Variants in CNTN5 observed in about 807,000 individuals in gnomAD.
The protein encoded by CNTN5 is contactin 5, also known as contactin-5.
In CNTN5, 77 loss-of-function variants were observed where a neutral mutation model predicts 129.1. That is an observed-to-expected ratio of 0.60 (90% CI 0.50 to 0.72). The LOEUF (loss-of-function observed/expected upper bound fraction) is 0.72, where lower values mean the gene tolerates loss of function less well. Among genes scored for constraint, CNTN5 ranks in the 30% least tolerant of loss-of-function variants. The pLI is 0.00. For synonymous variants in CNTN5, 509 were observed against 465.6 expected (o/e 1.09, Z -1.20); for missense variants, 1,478 against 1,328.8 (o/e 1.11, Z -1.75).
chr11:99,061,321 G>C (rs1180585156), intron 1 of CNTN5, among the ~76,000 whole-genome samples: 1 of 152,150 alleles, frequency 6.6e-6, no homozygotes, highest in African/African-American at 2.4e-5. Flanking sequence ...AAGACTGAGT[G>C]TGTGGGGAGA....
At chr11:99,525,099 T>A (rs1415269133) in intron 2 of CNTN5, among the ~76,000 whole-genome samples, 2 of 152,164 alleles carry the variant, frequency 1.3e-5, no homozygotes, top group African/African-American at 4.8e-5. Context: ...TGTCATATTT[T>A]CCTACATTAT....
intron 1 of CNTN5, among the ~76,000 whole-genome samples, chr11:99,117,629 A>C (rs1358322318): frequency 6.6e-6 from 1 of 152,172 alleles, no homozygotes; most frequent in African/African-American, 2.4e-5. Context: ...AGAAGCCCTA[A>C]CACCCAATGT....
intron 3 of CNTN5, among the ~76,000 whole-genome samples, chr11:99,695,909 G>T (rs1954249118): frequency 6.6e-6 from 1 of 152,032 alleles, no homozygotes; most frequent in African/African-American, 2.4e-5. Context: ...TTGTAGGGTT[G>T]TTAGGAGGAT....
chr11:99,255,866 T>G (rs529925638), intron 1 of CNTN5, among the ~76,000 whole-genome samples: 2 of 151,628 alleles, frequency 1.3e-5, no homozygotes, highest in South Asian at 4.1e-4. Flanking sequence ...TTGGGTGCTC[T>G]TTCGTTTCTC....
In CNTN5 at chr11:99,945,087, A is replaced by T. The variant is rs561739777; in HGVS notation, c.674-11719A>T. On this transcript the variant is annotated intron_variant, in intron 7 of 24. Coordinates refer to ENST00000524871, the MANE Select transcript of CNTN5 (RefSeq NM_014361.4). ...TGATAGTATCGGATGGTTAAGAAAG[A>T]GATGGGTACAGGTATGACAGCAAAC... Among the ~76,000 whole-genome samples the T allele has an allele frequency of 5.9e-5, 9 of 152,208 alleles. No individual in the cohort carries two copies. In the East Asian group the frequency reaches 9.7e-4, roughly 16 times the overall value.
intron 2 of CNTN5, among the ~76,000 whole-genome samples, chr11:99,433,371 ATGTGTGTGTGTGTGTGT>A (rs1287572814): frequency 6.4e-5 from 9 of 140,840 alleles, no homozygotes; most frequent in Non-Finnish European, 1.4e-4. Flanking sequence ...TAAAAAAAAA[ATGTGTGTGTGTGTGTGT>A]GTGTGTGTGT....
chr11:100,270,122 C>A (rs1950383168), intron 17 of CNTN5, among the ~76,000 whole-genome samples: 1 of 152,184 alleles, frequency 6.6e-6, no homozygotes, highest in Non-Finnish European at 1.5e-5. Flanking sequence ...ATCAGCCCTG[C>A]AGTGCTGTGA....
At position 99,594,778 on chromosome 11, in the gene CNTN5, A is replaced by T. The variant is rs183392543; in HGVS notation, c.55+38509A>T. 1.7e-3 allele frequency among the ~76,000 whole-genome samples: 258 copies of T among 152,352 alleles called. 2 individuals are homozygous for T. Among genetic ancestry groups the T allele is most frequent in the African/African-American group, 5.7e-3 (235 of 41,572 alleles). Reference sequence around the variant, plus strand: ...CAACCCTGTAAGTGGTAGCATTTAAATCCAGCACAACAATGTAAAAGGTGG... The same window carrying T: ...CAACCCTGTAAGTGGTAGCATTTAATTCCAGCACAACAATGTAAAAGGTGG... On this transcript the variant is annotated intron_variant, in intron 3 of 24. Coordinates refer to ENST00000524871, the MANE Select transcript of CNTN5 (RefSeq NM_014361.4).
chr11:99,740,701 T>C lies in CNTN5; in HGVS notation c.56-78843T>C, dbSNP rs565334123. ...AATTATCAACCTGCACCATCAGAGG[T>C]TGCAGCAACTCATTCAGTGATACAT... On this transcript the variant is annotated intron_variant, in intron 3 of 24. Coordinates refer to ENST00000524871, the MANE Select transcript of CNTN5 (RefSeq NM_014361.4). 3.0e-4 allele frequency among the ~76,000 whole-genome samples: 46 copies of C among 152,250 alleles called. No homozygotes were observed. In the South Asian group the frequency reaches 9.5e-3, roughly 32 times the overall value.
intron 21 of CNTN5, among the ~76,000 whole-genome samples, chr11:100,310,671 C>T (rs1350951710): frequency 2.0e-5 from 3 of 148,718 alleles, no homozygotes; most frequent in African/African-American, 7.5e-5. Context: ...ATGATACAGA[C>T]TATGTAGAAA....
chr11:99,184,796 A>C (rs1340093251), intron 1 of CNTN5, among the ~76,000 whole-genome samples: 1 of 152,096 alleles, frequency 6.6e-6, no homozygotes, highest in Admixed American at 6.6e-5. Context: ...ATAATATCCC[A>C]GCCCTATACC....
chr11:99,991,736 A>G (rs1939111607), intron 8 of CNTN5, among the ~76,000 whole-genome samples: 1 of 130,306 alleles, frequency 7.7e-6, no homozygotes, highest in African/African-American at 3.2e-5. Context: ...TGACTGTCAG[A>G]CATGCAGGTT....
chr11:100,268,667 G>C (rs1016209652), intron 17 of CNTN5, among the ~76,000 whole-genome samples: 1 of 152,154 alleles, frequency 6.6e-6, no homozygotes, highest in Non-Finnish European at 1.5e-5. Context: ...AGTCCATCAA[G>C]AATGAGTTCC....
chr11:99,481,329 A>C (rs750024635), intron 2 of CNTN5, among the ~76,000 whole-genome samples: 1 of 152,048 alleles, frequency 6.6e-6, no homozygotes, highest in Non-Finnish European at 1.5e-5. Context: ...TGTCTTTTTA[A>C]TATGTTCTTA....
chr11:99,097,452 C>T (rs1392987059), intron 1 of CNTN5, among the ~76,000 whole-genome samples: 2 of 151,832 alleles, frequency 1.3e-5, no homozygotes, highest in Admixed American at 6.6e-5. Context: ...TTAATTTTGA[C>T]CAAGACCATA....
intron 2 of CNTN5, among the ~76,000 whole-genome samples, chr11:99,496,172 C>A (rs1052259130): frequency 6.6e-6 from 1 of 152,154 alleles, no homozygotes; most frequent in African/African-American, 2.4e-5. Context: ...AGTAATCATG[C>A]ATCTATTTTT....
At chr11:99,652,778 T>C (rs1247166349) in intron 3 of CNTN5, among the ~76,000 whole-genome samples, 1 of 152,088 alleles carries the variant, frequency 6.6e-6, no homozygotes, top group Non-Finnish European at 1.5e-5. Context: ...TTGTGTGTTA[T>C]TAAACAACTC....
intron 1 of CNTN5, among the ~76,000 whole-genome samples, chr11:99,037,564 C>A (rs1483534157): frequency 1.5e-5 from 2 of 135,258 alleles, no homozygotes; most frequent in Admixed American, 7.8e-5. Flanking sequence ...ATTTTTCCTT[C>A]TTTTTTCTTT....
chr11:100,333,571 C>A (rs1168218035), intron 21 of CNTN5, among the ~76,000 whole-genome samples: 1 of 152,068 alleles, frequency 6.6e-6, no homozygotes, highest in East Asian at 1.9e-4. Context: ...CAGCATGGTA[C>A]TGATATAAAA....
Sources: allele counts gnomAD v4.1 joint callset (sites outside exome capture counted in the v4.1 genomes callset), GRCh38; gene constraint gnomAD v4.1.1; transcripts MANE v1.5; gene names NCBI Gene and HGNC (gene_info 2026-07-23, HGNC 2026-07-21).